The following DCDC2 variants were observed in gnomAD, a reference collection of about 807,000 sequenced individuals.
DCDC2 encodes doublecortin domain containing 2.
Under a neutral mutation model 50.2 loss-of-function variants are expected in DCDC2, and 40 were observed. The observed-to-expected ratio is 0.80, with a 90% CI of 0.62 to 1.04. The LOEUF is 1.04. Among genes scored for constraint, DCDC2 ranks in the 50% least tolerant of loss-of-function variants. The pLI is 0.00. For synonymous variants in DCDC2, 234 were observed against 210.6 expected (o/e 1.11, Z -0.96); for missense variants, 570 against 581.9 (o/e 0.98, Z 0.21).
intron 7 of DCDC2, among the ~76,000 whole-genome samples, chr6:24,262,035 A>G (rs971610981): frequency 6.6e-6 from 1 of 152,136 alleles, no homozygotes; most frequent in African/African-American, 2.4e-5. Flanking sequence ...TCAGGTAAGC[A>G]ATCACAGTGC....
intron 5 of DCDC2, among the ~76,000 whole-genome samples, chr6:24,290,607 T>A (rs1415290168): frequency 6.6e-6 from 1 of 152,168 alleles, no homozygotes; most frequent in Non-Finnish European, 1.5e-5. Flanking sequence ...CACAAAAACT[T>A]CTAATAATGT....
At chr6:24,294,612 G>A (rs58380979) in intron 4 of DCDC2, among the ~76,000 whole-genome samples, 5,349 of 151,982 alleles carry the variant, frequency 0.035, 271 homozygotes, top group African/African-American at 0.12. Context: ...AGATCCAAAT[G>A]AACACAATTA....
At chr6:24,306,576 A>AGACAGACAGACG (rs71002484) in intron 2 of DCDC2, among the ~76,000 whole-genome samples, 4 of 151,292 alleles carry the variant, frequency 2.6e-5, no homozygotes, top group Non-Finnish European at 5.9e-5. Context: ...ACAGACAGAC[A>AGACAGACAGACG]AAATATTTCT....
intron 7 of DCDC2, among the ~76,000 whole-genome samples, chr6:24,219,068 T>A (rs566504095): frequency 3.2e-4 from 49 of 152,286 alleles, no homozygotes; most frequent in African/African-American, 1.1e-3. Context: ...CTATAATTTT[T>A]AAAATATTTC....
At chr6:24,374,576 C>T in the DCDC2 span, among the ~76,000 whole-genome samples, 1 of 864 alleles carries the variant, frequency 1.2e-3, no homozygotes, top group Admixed American at 0.017. Flanking sequence ...AAGACTCCAT[C>T]CAAAAAAAAA....
chr6:24,336,737 T>C (rs548888274), intron 2 of DCDC2, among the ~76,000 whole-genome samples: 75 of 152,252 alleles, frequency 4.9e-4, no homozygotes, highest in African/African-American at 1.8e-3. Context: ...TATTTTTTTT[T>C]CCAAATACCC....
At chr6:24,278,786 T>C (rs1763413423) in intron 6 of DCDC2, among the ~76,000 whole-genome samples, 1 of 152,148 alleles carries the variant, frequency 6.6e-6, no homozygotes, top group African/African-American at 2.4e-5. Context: ...TCGCTATGGG[T>C]GTATAGATGT....
intron 6 of DCDC2, among the ~76,000 whole-genome samples, chr6:24,282,347 A>T (rs996250670): frequency 6.6e-6 from 1 of 151,928 alleles, no homozygotes; most frequent in African/African-American, 2.4e-5. Context: ...GGTTCAAGTG[A>T]TTCTCTTGCC....
intron 2 of DCDC2, among the ~76,000 whole-genome samples, chr6:24,320,274 G>A (rs550064937): frequency 6.6e-6 from 1 of 152,168 alleles, no homozygotes; most frequent in South Asian, 2.1e-4. Flanking sequence ...CGTGGTGCTG[G>A]AGTAGAACTG....
chr6:24,272,430 G>C (rs184131291), intron 7 of DCDC2, among the ~76,000 whole-genome samples: 1 of 152,232 alleles, frequency 6.6e-6, no homozygotes, highest in East Asian at 1.9e-4. Flanking sequence ...ATTGAGATGG[G>C]AAGTTGTGAT....
chr6:24,332,889 C>T (rs559987977), intron 2 of DCDC2, among the ~76,000 whole-genome samples: 21 of 152,244 alleles, frequency 1.4e-4, no homozygotes, highest in Non-Finnish European at 2.8e-4. Context: ...GGTATCTAAC[C>T]TCTTGGAGTT....
intron 8 of DCDC2, among the ~76,000 whole-genome samples, chr6:24,190,323 T>C (rs547260398): frequency 6.6e-6 from 1 of 152,222 alleles, no homozygotes; most frequent in Admixed American, 6.5e-5. Flanking sequence ...AAAATTCTCA[T>C]TGTTCAATTC....
chr6:24,191,204 T>C (rs1761306260), intron 8 of DCDC2, among the ~76,000 whole-genome samples: 1 of 152,180 alleles, frequency 6.6e-6, no homozygotes, highest in South Asian at 2.1e-4. Context: ...TTCCGCATAT[T>C]TTATCGTATA....
intron 8 of DCDC2, among the ~76,000 whole-genome samples, chr6:24,200,730 C>T (rs748392873): frequency 7.3e-5 from 11 of 151,638 alleles, no homozygotes; most frequent in Admixed American, 5.9e-4. Context: ...CAAGACCCAT[C>T]GGTGTGCTGT....
At chr6:24,236,165 G>A (rs1026966791) in intron 7 of DCDC2, among the ~76,000 whole-genome samples, 1 of 152,036 alleles carries the variant, frequency 6.6e-6, no homozygotes, top group South Asian at 2.1e-4. Context: ...AAACCTGAAG[G>A]TGTCATACTA....
chr6:24,295,723 C>T (rs996489344), intron 4 of DCDC2, among the ~76,000 whole-genome samples: 4 of 151,910 alleles, frequency 2.6e-5, no homozygotes, highest in Non-Finnish European at 5.9e-5. Flanking sequence ...TCATAATTGG[C>T]ACAAAAAATA....
At chr6:24,337,548 C>T (rs993514971) in intron 2 of DCDC2, among the ~76,000 whole-genome samples, 1 of 152,106 alleles carries the variant, frequency 6.6e-6, no homozygotes, top group African/African-American at 2.4e-5. Context: ...AATCCCAGCA[C>T]TTTGGGAGGC....
rs565382697 is a variant in DCDC2 at position 24,312,413 on chromosome 6, G to A, written c.349-10369C>T. ...ATGGTGGCAAAATCAGGCCAGCCAC[G>A]GAAATATTTTGGAAAGAATCTCTTT... On this transcript the variant is annotated intron_variant, in intron 2 of 9. Coordinates refer to ENST00000378454, the MANE Select transcript of DCDC2 (RefSeq NM_016356.5). Among the ~76,000 whole-genome samples, 74 of 152,170 alleles carry A rather than the reference G, an allele frequency of 4.9e-4. No homozygotes were observed. In the South Asian group the frequency reaches 0.014, roughly 28 times the overall value.
intron 2 of DCDC2, among the ~76,000 whole-genome samples, chr6:24,320,958 T>TA (rs1223162798): frequency 0.036 from 5,254 of 147,536 alleles, 231 homozygotes; most frequent in African/African-American, 0.11. Flanking sequence ...ATAAAAAAAT[T>TA]AAAAAAAAAA....
Sources: allele counts gnomAD v4.1 joint callset (sites outside exome capture counted in the v4.1 genomes callset), GRCh38; gene constraint gnomAD v4.1.1; transcripts MANE v1.5; gene names NCBI Gene and HGNC (gene_info 2026-07-23, HGNC 2026-07-21).